The following NPAS2 variants were observed in gnomAD, a reference collection of about 807,000 sequenced individuals.
The protein encoded by NPAS2 is neuronal PAS domain-containing protein 2.
In NPAS2, 23 loss-of-function variants were observed where a neutral mutation model predicts 107.5. The ratio of observed to expected loss-of-function variants is 0.21; its 90% CI spans 0.15 to 0.30. The LOEUF (loss-of-function observed/expected upper bound fraction) is 0.30. Among genes scored for constraint, NPAS2 ranks in the 10% least tolerant of loss-of-function variants. The pLI is 1.00. For missense variants in NPAS2, 756 were observed against 1,043.3 expected, an observed-to-expected ratio of 0.72 and a Z score of 3.79; for synonymous variants, 403 against 417.5, an observed-to-expected ratio of 0.97 and a Z score of 0.42.
At chr2:100,932,884 A>C in intron 3 of NPAS2, 26 bp from the exon 4 acceptor site, 1 of 1,541,110 alleles carries the variant, frequency 6.5e-7, no homozygotes, top group Non-Finnish European at 9.0e-7. Flanking sequence ...ATTGAATATA[A>C]AGGCTTATTT....
At chr2:100,930,582 G>A (rs1284936207) in intron 3 of NPAS2, among the ~76,000 whole-genome samples, 4 of 152,004 alleles carry the variant, frequency 2.6e-5, no homozygotes, top group African/African-American at 9.7e-5. Context: ...ACTTCCCAGT[G>A]TAACATTTTT....
chr2:100,908,730 G>A (rs139653140), intron 2 of NPAS2, among the ~76,000 whole-genome samples: 79 of 152,274 alleles, frequency 5.2e-4, no homozygotes, highest in Non-Finnish European at 9.8e-4. Context: ...TGTTAAATGA[G>A]TCCATGACCT....
At chr2:100,957,072 G>A (rs1295858545) in intron 7 of NPAS2, among the ~76,000 whole-genome samples, 1 of 152,202 alleles carries the variant, frequency 6.6e-6, no homozygotes, top group African/African-American at 2.4e-5. Context: ...GCACATTTTG[G>A]TCACTCCTTA....
At chr2:100,900,396 G>A (rs1036974709) in intron 1 of NPAS2, among the ~76,000 whole-genome samples, 3 of 152,106 alleles carry the variant, frequency 2.0e-5, no homozygotes, top group African/African-American at 4.8e-5. Flanking sequence ...ACACACCCAC[G>A]TAAATTACTA....
At chr2:100,991,024 C>A in intron 19 of NPAS2, 152 bp downstream of exon 19, 1 of 669,968 alleles carries the variant, frequency 1.5e-6, no homozygotes, top group South Asian at 1.8e-5. Flanking sequence ...GGACGCTGCC[C>A]CTCAGCTTTT....
chr2:100,985,145 C>G (rs796334756), intron 16 of NPAS2: 8 of 152,460 alleles, frequency 5.2e-5, no homozygotes, highest in African/African-American at 1.9e-4. Flanking sequence ...TTCCTTCCAT[C>G]CAGCCATCAT....
chr2:100,904,880 G>C, intron 2 of NPAS2, 94 bp downstream of exon 2: 1 of 853,120 alleles, frequency 1.2e-6, no homozygotes, highest in Non-Finnish European at 1.9e-6. Flanking sequence ...GTGCAGGTGA[G>C]GCCACCAGCA....
At chr2:100,849,896 C>A (rs1052448253) in intron 1 of NPAS2, among the ~76,000 whole-genome samples, 10 of 151,066 alleles carry the variant, frequency 6.6e-5, no homozygotes, top group African/African-American at 2.4e-4. Flanking sequence ...CTGTAATGGT[C>A]AGGGAAAGTG....
intron 4 of NPAS2, among the ~76,000 whole-genome samples, chr2:100,933,674 C>T (rs1238143251): frequency 6.6e-6 from 1 of 152,174 alleles, no homozygotes; most frequent in Non-Finnish European, 1.5e-5. Flanking sequence ...GGGTGAAACT[C>T]CTCAATGCAG....
rs372053906 is a variant in NPAS2 at position 100,971,047 on chromosome 2, C to T, written c.1113C>T (p.Ser371=). The change falls in exon 12 of 21, where the codon TCC becomes TCT. Residue 371 remains serine, a synonymous_variant. Transcript: ENST00000335681. ...AGCTGGCTCTGGAAGACCCGCCATCCGAGGCCCTCCACTCCTCAGCACTAA... is the reference window on the plus strand; with the variant it reads ...AGCTGGCTCTGGAAGACCCGCCATCTGAGGCCCTCCACTCCTCAGCACTAA... ...RQELALEDPP[S]EALHSSALKD... The T allele has an allele frequency of 6.2e-6, 10 of 1,614,116 alleles. No individual in the cohort carries two copies. The highest frequency in any genetic ancestry group is 3.3e-5 in the Admixed American group (2 of 60,014).
rs1231741179 is a variant in NPAS2, at chr2:100,995,436, G to T, written c.2329G>T (p.Asp777Tyr). 3 of 1,613,878 alleles carry T rather than the reference G, an allele frequency of 1.9e-6. No individual in the cohort carries two copies. The highest frequency in any genetic ancestry group is 2.5e-6 in the Non-Finnish European group (3 of 1,179,952). ...APTSLHSEQQ[D>Y]SLLLSTYSQQ... ...AACCTCTTTGCACAGTGAGCAGCAG[G>T]ACTCGCTACTTCTCTCCACCTACTC... The change falls in exon 21 of 21, where the codon GAC becomes TAC. Residue 777 changes from aspartate (D) to tyrosine (Y), a missense_variant. Transcript: ENST00000335681.
intron 1 of NPAS2, among the ~76,000 whole-genome samples, chr2:100,842,081 G>GTGCGCGCACACACACA (rs1553441796): frequency 1.7e-4 from 25 of 148,902 alleles, no homozygotes; most frequent in African/African-American, 6.1e-4. Flanking sequence ...GCATGTACGC[G>GTGCGCGCACACACACA]CACACACACA....
chr2:100,897,476 C>T (rs551239132), intron 1 of NPAS2, among the ~76,000 whole-genome samples: 1 of 152,254 alleles, frequency 6.6e-6, no homozygotes, highest in African/African-American at 2.4e-5. Flanking sequence ...AAGCAAAAGC[C>T]ACAATGCCCC....
intron 8 of NPAS2, among the ~76,000 whole-genome samples, chr2:100,964,387 T>C (rs1052980869): frequency 4.6e-5 from 7 of 152,204 alleles, no homozygotes; most frequent in Non-Finnish European, 1.0e-4. Context: ...CAGCATCGCT[T>C]GCTGTTCAGC....
intron 12 of NPAS2, 91 bp downstream of exon 12, chr2:100,971,165 C>A: frequency 8.1e-7 from 1 of 1,232,458 alleles, no homozygotes; most frequent in Non-Finnish European, 1.2e-6. Flanking sequence ...TTCTTTTCAT[C>A]AATGGAAGGG....
chr2:100,881,875 C>CGAG (rs1680370692), intron 1 of NPAS2, among the ~76,000 whole-genome samples: 1 of 152,206 alleles, frequency 6.6e-6, no homozygotes, highest in Non-Finnish European at 1.5e-5. Flanking sequence ...CATTCAGGGC[C>CGAG]TTCTCCCCCA....
In NPAS2 at chr2:100,996,119, T is replaced by C; in HGVS notation, c.*537T>C. ...AAATAACTTAGGCACTTTCTGTTTT[T>C]TTTAAAAAAATAATAAGGTCTCATG... On this transcript the variant is annotated 3_prime_UTR_variant, in exon 21 of 21. Coordinates refer to ENST00000335681, the MANE Select transcript of NPAS2 (RefSeq NM_002518.4). The C allele has an allele frequency of 2.3e-6, 1 of 429,066 alleles. No homozygotes were observed. Among genetic ancestry groups the C allele is most frequent in the Non-Finnish European group, 3.5e-6 (1 of 284,376 alleles). The allele number at this position is 429,066 out of a possible 1,614,324, so 26.6% of individuals were successfully genotyped here.
At chr2:100,883,441 G>A (rs1680501800) in intron 1 of NPAS2, among the ~76,000 whole-genome samples, 1 of 152,178 alleles carries the variant, frequency 6.6e-6, no homozygotes, top group Non-Finnish European at 1.5e-5. Context: ...GCAGAGTGGT[G>A]TGTCAGAGCC....
chr2:100,829,075 G>A (rs1257458961), intron 1 of NPAS2, among the ~76,000 whole-genome samples: 2 of 152,182 alleles, frequency 1.3e-5, no homozygotes, highest in East Asian at 3.9e-4. Context: ...TTTTCTTTTA[G>A]AAGTGTTTTA....
Sources: gnomAD v4.1 joint callset for allele counts (sites outside exome capture counted in the v4.1 genomes callset) on GRCh38, gnomAD v4.1.1 for gene constraint, MANE v1.5 for transcripts, NCBI Gene and HGNC (gene_info 2026-07-23, HGNC 2026-07-21) for gene names.